The following AVEN variants were observed in gnomAD, a reference collection of about 807,000 sequenced individuals.
AVEN encodes the protein cell death regulator Aven.
AVEN carries 41 observed loss-of-function variants against 38.1 expected under a neutral mutation model. The observed-to-expected ratio is 1.08, with a 90% CI of 0.84 to 1.40. The LOEUF (loss-of-function observed/expected upper bound fraction) is 1.40. Among genes scored for constraint, AVEN ranks in the 40% most tolerant of loss-of-function variants. AVEN has a pLI of 0.00. For missense variants in AVEN, 605 were observed against 438.8 expected, an observed-to-expected ratio of 1.38 and a Z score of -3.38; for synonymous variants, 206 against 171.8, an observed-to-expected ratio of 1.20 and a Z score of -1.56.
At chr15:34,000,914 T>C (rs1017692165) in intron 2 of AVEN, among the ~76,000 whole-genome samples, 5 of 151,558 alleles carry the variant, frequency 3.3e-5, no homozygotes, top group African/African-American at 1.2e-4. Flanking sequence ...ACAAGAAAAA[T>C]ACATGAGAGA....
At chr15:33,899,806 C>T (rs569803963) in intron 2 of AVEN, among the ~76,000 whole-genome samples, 1 of 152,048 alleles carries the variant, frequency 6.6e-6, no homozygotes, top group Admixed American at 6.6e-5. Context: ...AGCTAGCATA[C>T]AAAACTTAGA....
intron 5 of AVEN, among the ~76,000 whole-genome samples, chr15:34,059,210 T>C (rs1353470006): frequency 2.0e-5 from 3 of 152,148 alleles, no homozygotes; most frequent in African/African-American, 4.8e-5. Flanking sequence ...TTATTTTTTC[T>C]AATGAGGAAA....
chr15:33,960,705 T>C (rs988562298), intron 2 of AVEN, among the ~76,000 whole-genome samples: 5 of 152,214 alleles, frequency 3.3e-5, no homozygotes, highest in African/African-American at 9.6e-5. Context: ...TATTTCCTCC[T>C]TCATGTGAGC....
At chr15:33,864,220 A>C (rs764777228), downstream of AVEN, 10 of 1,555,176 alleles carry the variant, frequency 6.4e-6, no homozygotes, top group African/African-American at 1.4e-5. Context: ...TACCCGTGTT[A>C]GATCTCCCTT....
intron 2 of AVEN, among the ~76,000 whole-genome samples, chr15:33,955,697 T>G (rs141794659): frequency 6.6e-6 from 1 of 152,218 alleles, no homozygotes; most frequent in African/African-American, 2.4e-5. Context: ...TTAAATTACA[T>G]GCATTACTTG....
intron 1 of AVEN, among the ~76,000 whole-genome samples, chr15:34,021,305 G>A (rs1898190124): frequency 6.7e-6 from 1 of 149,828 alleles, no homozygotes. Flanking sequence ...TTTTTTTTGA[G>A]ACGGAGTTTC....
intron 2 of AVEN, among the ~76,000 whole-genome samples, chr15:33,936,390 C>T (rs948345299): frequency 3.1e-4 from 47 of 152,068 alleles, no homozygotes; most frequent in African/African-American, 1.1e-3. Flanking sequence ...GCAATCCTTG[C>T]GTTATACCAA....
At chr15:34,073,983 C>CTTTTTTTTTTTT (rs1567498505) in intron 1 of AVEN, among the ~76,000 whole-genome samples, 12 of 20,814 alleles carry the variant, frequency 5.8e-4, no homozygotes, top group African/African-American at 1.4e-3. Flanking sequence ...CTTTTTTCTT[C>CTTTTTTTTTTTT]TTCTTCTTTT....
chr15:33,893,403 T>C (rs746333425), intron 2 of AVEN, among the ~76,000 whole-genome samples: 1 of 152,162 alleles, frequency 6.6e-6, no homozygotes, highest in Non-Finnish European at 1.5e-5. Flanking sequence ...AACACCAGCC[T>C]TGCTTATATC....
chr15:33,909,894 C>T (rs1395292800), intron 2 of AVEN, among the ~76,000 whole-genome samples: 2 of 151,996 alleles, frequency 1.3e-5, no homozygotes, highest in African/African-American at 2.4e-5. Flanking sequence ...TTTGGGAGGC[C>T]GAGGCGGGTG....
intron 4 of AVEN, 100 bp from the exon 5 acceptor site, chr15:33,867,955 CAG>C (rs1410929980): frequency 7.0e-7 from 1 of 1,435,004 alleles, no homozygotes; most frequent in Non-Finnish European, 9.3e-7. Context: ...AACTTTGTGA[CAG>C]AGGAAACTCA....
In AVEN at chr15:33,939,276, TAG is replaced by T; in HGVS notation, c.446-63283_446-63282del. Among the ~76,000 whole-genome samples the T allele has an allele frequency of 3.3e-5, 5 of 152,366 alleles. No individual in the cohort carries two copies. The South Asian group carries it at 1.0e-3, about 32-fold the overall frequency. On this transcript the variant is annotated intron_variant, in intron 2 of 5. Transcript: ENST00000306730. Reference sequence around the variant, plus strand: ...GTCACTGAATTTACAATGTGTTCAATAGTATTTAAACCAATTTCATTAATTAA... The same window carrying T: ...GTCACTGAATTTACAATGTGTTCAATTATTTAAACCAATTTCATTAATTAA...
At chr15:33,967,460 G>A (rs1243559371) in intron 2 of AVEN, among the ~76,000 whole-genome samples, 1 of 151,986 alleles carries the variant, frequency 6.6e-6, no homozygotes, top group African/African-American at 2.4e-5. Context: ...AGTACAAATA[G>A]GTGAAATGAG....
chr15:33,956,096 C>T (rs1894941327), intron 2 of AVEN, among the ~76,000 whole-genome samples: 1 of 152,156 alleles, frequency 6.6e-6, no homozygotes, highest in African/African-American at 2.4e-5. Flanking sequence ...ATCTGTAGGG[C>T]CGTCTGCCTC....
chr15:33,861,108 G>T, intron 11 of AVEN: 2 of 1,595,920 alleles, frequency 1.3e-6, no homozygotes, highest in South Asian at 2.3e-5. Flanking sequence ...GATTGGCAAT[G>T]ACTACTTTGA....
At chr15:34,049,216 G>T (rs1351603362) in intron 5 of AVEN, among the ~76,000 whole-genome samples, 1 of 152,188 alleles carries the variant, frequency 6.6e-6, no homozygotes, top group Admixed American at 6.5e-5. Flanking sequence ...TGGCTGAATT[G>T]ACAGAACTAG....
intron 2 of AVEN, among the ~76,000 whole-genome samples, chr15:33,918,186 T>G (rs1453054890): frequency 6.6e-6 from 1 of 152,192 alleles, no homozygotes; most frequent in African/African-American, 2.4e-5. Context: ...AAGCAGATTC[T>G]CATACGTATC....
chr15:33,886,099 A>G (rs1891686857), intron 2 of AVEN, among the ~76,000 whole-genome samples: 1 of 152,146 alleles, frequency 6.6e-6, no homozygotes, highest in Admixed American at 6.5e-5. Flanking sequence ...TGTAACAAAG[A>G]CCTGTACCTG....
intron 2 of AVEN, among the ~76,000 whole-genome samples, chr15:33,942,304 A>C (rs1489954776): frequency 6.6e-6 from 1 of 152,124 alleles, no homozygotes; most frequent in East Asian, 1.9e-4. Flanking sequence ...TCTCCCTTCA[A>C]GCTCCCATTC....
Sources: allele counts gnomAD v4.1 joint callset (sites outside exome capture counted in the v4.1 genomes callset), GRCh38; gene constraint gnomAD v4.1.1; transcripts MANE v1.5; gene names NCBI Gene and HGNC (gene_info 2026-07-23, HGNC 2026-07-21).